The following POFUT3 variants were observed in gnomAD, a reference collection of about 807,000 sequenced individuals.
POFUT3 encodes the protein GDP-fucose protein O-fucosyltransferase 3.
the POFUT3 span, chr8:33,372,672 G>A: frequency 1.9e-6 from 3 of 1,614,046 alleles, 1 homozygote; most frequent in South Asian, 2.2e-5. Context: ...TTCTTGGATT[G>A]TTCAAAGCTG....
the POFUT3 span, among the ~76,000 whole-genome samples, chr8:33,432,334 G>C: frequency 6.6e-6 from 1 of 151,538 alleles, no homozygotes; most frequent in East Asian, 1.9e-4. Flanking sequence ...TTGAACCTGG[G>C]AGGTGGAGGT....
the POFUT3 span, among the ~76,000 whole-genome samples, chr8:33,376,657 A>G: frequency 6.6e-6 from 1 of 152,236 alleles, no homozygotes; most frequent in Non-Finnish European, 1.5e-5. Context: ...AGAGAAGCAG[A>G]GTGCAAATTG....
the POFUT3 span, chr8:33,436,143 C>A: frequency 4.1e-6 from 5 of 1,218,558 alleles, no homozygotes; most frequent in African/African-American, 3.1e-5. Context: ...GAGAAGGTCT[C>A]AACTTAGCAA....
At chr8:33,334,419 C>T in the POFUT3 span, among the ~76,000 whole-genome samples, 3 of 152,026 alleles carry the variant, frequency 2.0e-5, no homozygotes, top group Non-Finnish European at 4.4e-5. Flanking sequence ...GGTTTCACCA[C>T]GTTGCCCAGG....
chr8:33,447,401 A>C, the POFUT3 span, among the ~76,000 whole-genome samples: 5 of 152,106 alleles, frequency 3.3e-5, no homozygotes, highest in South Asian at 2.1e-4. Context: ...GTGAGCCGAG[A>C]TCGTGCCACT....
the POFUT3 span, among the ~76,000 whole-genome samples, chr8:33,309,376 T>TGTGTGTGTGTGTGTGTG: frequency 6.8e-6 from 1 of 147,236 alleles, no homozygotes; most frequent in African/African-American, 2.6e-5. Flanking sequence ...TGTGTGTGTG[T>TGTGTGTGTGTGTGTGTG]TTTTCTCCCC....
chr8:33,430,757 C>T, the POFUT3 span, among the ~76,000 whole-genome samples: 1,204 of 152,180 alleles, frequency 7.9e-3, 26 homozygotes, highest in African/African-American at 0.028. Context: ...TACAGGCATG[C>T]GCCACCATGC....
chr8:33,372,546 C>G, the POFUT3 span: 15 of 1,602,306 alleles, frequency 9.4e-6, no homozygotes, highest in East Asian at 2.5e-4. Context: ...CAAGAAGGCT[C>G]TAGTCTGTTT....
At chr8:33,391,900 C>T in the POFUT3 span, among the ~76,000 whole-genome samples, 12 of 152,154 alleles carry the variant, frequency 7.9e-5, no homozygotes, top group East Asian at 2.3e-3. Context: ...ATGGAAGATT[C>T]TTAACCTAGC....
chr8:33,319,757 T>TA, the POFUT3 span, among the ~76,000 whole-genome samples: 13 of 39,302 alleles, frequency 3.3e-4, 3 homozygotes, highest in African/African-American at 6.3e-4. Flanking sequence ...TATATATATA[T>TA]AATATATATA....
At chr8:33,378,286 C>A in the POFUT3 span, among the ~76,000 whole-genome samples, 1 of 152,186 alleles carries the variant, frequency 6.6e-6, no homozygotes, top group Non-Finnish European at 1.5e-5. Flanking sequence ...GTAGCAAACG[C>A]TTCTGCTCCC....
the POFUT3 span, among the ~76,000 whole-genome samples, chr8:33,359,385 T>G: frequency 6.6e-6 from 1 of 152,232 alleles, no homozygotes; most frequent in Admixed American, 6.5e-5. Flanking sequence ...CTTCCTATAA[T>G]TGACTTTTAA....
the POFUT3 span, among the ~76,000 whole-genome samples, chr8:33,428,936 A>T: frequency 6.6e-6 from 1 of 152,180 alleles, no homozygotes; most frequent in Non-Finnish European, 1.5e-5. Flanking sequence ...CAGTAGCACA[A>T]AACAGGCTAA....
At chr8:33,374,016 T>C in the POFUT3 span, among the ~76,000 whole-genome samples, 3 of 152,182 alleles carry the variant, frequency 2.0e-5, no homozygotes, top group Non-Finnish European at 4.4e-5. Context: ...CCAGTACTGT[T>C]CCCTGGCCTG....
the POFUT3 span, among the ~76,000 whole-genome samples, chr8:33,344,440 A>G: frequency 0.24 from 35,962 of 152,104 alleles, 4,645 homozygotes; most frequent in South Asian, 0.51. Flanking sequence ...TGACTGGTGT[A>G]AGCAGGACTG....
At chr8:33,437,044 G>A in the POFUT3 span, among the ~76,000 whole-genome samples, 3 of 152,146 alleles carry the variant, frequency 2.0e-5, no homozygotes, top group Admixed American at 1.3e-4. Flanking sequence ...AATTCGCTTA[G>A]GATAATGGCC....
At chr8:33,336,892 T>C in the POFUT3 span, among the ~76,000 whole-genome samples, 4 of 152,262 alleles carry the variant, frequency 2.6e-5, no homozygotes, top group South Asian at 2.1e-4. Flanking sequence ...GAGAGAATCC[T>C]GGCCTGTCTC....
the POFUT3 span, among the ~76,000 whole-genome samples, chr8:33,352,034 C>A: frequency 1.3e-5 from 2 of 152,080 alleles, no homozygotes; most frequent in Non-Finnish European, 2.9e-5. Context: ...AGATATAAGC[C>A]AGGACTCCCA....
At chr8:33,336,662 T>C in the POFUT3 span, among the ~76,000 whole-genome samples, 4 of 152,144 alleles carry the variant, frequency 2.6e-5, no homozygotes, top group Admixed American at 6.5e-5. Flanking sequence ...AAAAGGTTTA[T>C]GCCAGCTCTT....
Sources: allele counts gnomAD v4.1 joint callset (sites outside exome capture counted in the v4.1 genomes callset), GRCh38; gene constraint gnomAD v4.1.1; transcripts MANE v1.5; gene names NCBI Gene and HGNC (gene_info 2026-07-23, HGNC 2026-07-21).